GPRC5C: variants seen among roughly 807,000 people sequenced by gnomAD.
GPRC5C encodes G protein-coupled receptor family C group 5 member C.
GPRC5C carries 22 observed loss-of-function variants against 31.4 expected under a neutral mutation model. That is an observed-to-expected ratio of 0.70 (90% CI 0.50 to 1.00). The LOEUF is 1.00. GPRC5C is among the 50% of genes least tolerant of loss of function. GPRC5C has a pLI of 0.00. For synonymous variants in GPRC5C, 249 were observed against 257.5 expected, an observed-to-expected ratio of 0.97 and a Z score of 0.32; for missense variants, 557 against 597.2, an observed-to-expected ratio of 0.93 and a Z score of 0.70.
intron 3 of GPRC5C, chr17:74,445,592 T>A (rs1216525447): frequency 1.3e-5 from 2 of 152,398 alleles, no homozygotes; most frequent in Non-Finnish European, 2.9e-5. Context: ...CAGATGTAGA[T>A]GTTCCAGGGA....
At chr17:74,436,251 T>A (rs930847510) in intron 1 of GPRC5C, among the ~76,000 whole-genome samples, 4 of 152,200 alleles carry the variant, frequency 2.6e-5, no homozygotes, top group African/African-American at 9.6e-5. Context: ...CTCAAAGGGC[T>A]TTGATTCACA....
downstream of GPRC5C, chr17:74,451,595 A>T (rs2055714021): frequency 3.9e-5 from 6 of 152,048 alleles, no homozygotes; most frequent in South Asian, 1.2e-3. Context: ...AGGACTTTGG[A>T]CTTAATAACT....
rs975116471 is a variant in GPRC5C at position 74,447,125 on chromosome 17, G to T, written c.*97G>T. ...TCCAGGCTCCTCCTCCCCCTGGCAG[G>T]CCCAGCAACATGTGCCCCAGATCTG... On this transcript the variant is annotated 3_prime_UTR_variant, in exon 4 of 4. Transcript: ENST00000392627. The T allele has an allele frequency of 6.6e-7, 1 of 1,505,002 alleles. No individual in the cohort carries two copies. The highest frequency in any genetic ancestry group is 8.9e-7 in the Non-Finnish European group (1 of 1,126,528). 93.2% of individuals were successfully genotyped at this position (1,505,002 alleles called of 1,614,324 possible). A position where few individuals can be genotyped will look rare whatever the true frequency, so the allele number is the denominator to read the frequency against.
At chr17:74,439,132 C>T (rs117792916) in intron 1 of GPRC5C, among the ~76,000 whole-genome samples, 198 of 152,248 alleles carry the variant, frequency 1.3e-3, no homozygotes, top group Non-Finnish European at 2.1e-3. Context: ...CTTCCGCTTC[C>T]GAGCTAGGCA....
rs1352405867 is a variant in GPRC5C, at chr17:74,439,845, C to T, written c.69C>T (p.Ala23=). 1 of 1,613,444 alleles carries T rather than the reference C, an allele frequency of 6.2e-7. No individual in the cohort carries two copies. Among genetic ancestry groups the T allele is most frequent in the Non-Finnish European group, 8.5e-7 (1 of 1,180,000 alleles). Residue 23 remains alanine, a synonymous_variant, in exon 2 of 4, where the codon GCC becomes GCT. Coordinates refer to ENST00000392627, the MANE Select transcript of GPRC5C (RefSeq NM_022036.4). ...LPLFLFPGAW[A]QGHVPPGCSQ... is the part of the protein sequence containing the mutation. ...TCTTCCTGTTCCCAGGGGCCTGGGC[C>T]CAGGGCCATGTCCCACCCGGCTGCA...
chr17:74,451,231 G>A (rs1202018792), downstream of GPRC5C: 2 of 152,236 alleles, frequency 1.3e-5, no homozygotes, highest in Admixed American at 1.3e-4. Context: ...TTTCAAAGGA[G>A]TCCCCGGCAG....
In GPRC5C at chr17:74,443,892, G is replaced by A; in HGVS notation, c.1126G>A (p.Ala376Thr). Reference sequence around the variant, plus strand: ...CAGTGTGTACCAGCCCACTGAGATGGCCCTGATGCACAAAGTTCCGGTAAG... The same window carrying A: ...CAGTGTGTACCAGCCCACTGAGATGACCCTGATGCACAAAGTTCCGGTAAG... ...LTSVYQPTEM[A>T]LMHKVPSEGA... Residue 376 changes from alanine (A) to threonine (T), a missense_variant, in exon 3 of 4, where the codon GCC becomes ACC. Physicochemically the swap from Ala to Thr is moderately conservative, Grantham distance 58 (BLOSUM62 0). Transcript: ENST00000392627. 5 of 1,612,066 alleles carry A rather than the reference G, an allele frequency of 3.1e-6. No individual in the cohort carries two copies. Among genetic ancestry groups the A allele is most frequent in the East Asian group, 2.2e-5 (1 of 44,874 alleles).
intron 1 of GPRC5C, chr17:74,433,762 G>C (rs750304963): frequency 6.2e-7 from 1 of 1,610,502 alleles, no homozygotes. Flanking sequence ...CCATGGGTCA[G>C]TGTTGAGTTT....
At chr17:74,451,267 TC>T (rs2055710659), downstream of GPRC5C, 1 of 152,170 alleles carries the variant, frequency 6.6e-6, no homozygotes. Flanking sequence ...GGCTGCAGTC[TC>T]CAGTGGACGT....
rs143876745 is a variant in GPRC5C, at chr17:74,440,388, C to T, written c.612C>T (p.Ile204=). 6.2e-6 allele frequency: 10 copies of T among 1,613,950 alleles called. No homozygotes were observed. The African/African-American group carries it at 6.7e-5, about 11-fold the overall frequency. Residue 204 remains isoleucine (I), a synonymous_variant, in exon 2 of 4, where the codon ATC becomes ATT. Transcript: ENST00000392627. The surrounding 1 kb of genome is among the most constrained non-coding windows in gnomAD (Gnocchi z 4.4). ...AGWAVASPCA[I]ANMDFVMALI... is the part of the protein sequence containing the mutation. ...GGGCCGTGGCCTCCCCCTGTGCCAT[C>T]GCCAACATGGACTTTGTCATGGCAC...
intron 2 of GPRC5C, 88 bp from the exon 3 acceptor site, chr17:74,443,730 C>A (rs1163159477): frequency 9.8e-7 from 1 of 1,023,026 alleles, no homozygotes; most frequent in Non-Finnish European, 1.6e-6. Context: ...TCTTCCCTGC[C>A]CCCAGAGAGC....
chr17:74,439,435 G>A (rs975265254), intron 1 of GPRC5C, among the ~76,000 whole-genome samples: 3 of 152,186 alleles, frequency 2.0e-5, no homozygotes, highest in African/African-American at 4.8e-5. Context: ...CACCGTGGCC[G>A]CCAGAGCTCA....
At position 74,433,602 on chromosome 17, in the gene GPRC5C, G is replaced by A. The variant is rs557365177; in HGVS notation, c.-33+1461G>A. Reference sequence around the variant, plus strand: ...GGGACTGGGAGAGACCGATAGGAGTGGAGGCAGGAAGGCTGTCAGTCGGGC... The same window carrying A: ...GGGACTGGGAGAGACCGATAGGAGTAGAGGCAGGAAGGCTGTCAGTCGGGC... On this transcript the variant is annotated intron_variant, in intron 1 of 3. Transcript: ENST00000392627. The A allele has an allele frequency of 4.4e-6, 4 of 913,978 alleles. No individual in the cohort carries two copies. The African/African-American group carries it at 4.9e-5, about 11-fold the overall frequency. The allele number at this position is 913,978 out of a possible 1,614,324, so 56.6% of individuals were successfully genotyped here.
At chr17:74,433,931 G>T (rs929848627) in intron 1 of GPRC5C, among the ~76,000 whole-genome samples, 2 of 152,182 alleles carry the variant, frequency 1.3e-5, no homozygotes, top group Admixed American at 6.5e-5. Flanking sequence ...CCGGTTGCTG[G>T]ATGAAGCCAC....
intron 1 of GPRC5C, among the ~76,000 whole-genome samples, chr17:74,433,486 C>T (rs528011283): frequency 6.6e-6 from 1 of 152,318 alleles, no homozygotes; most frequent in East Asian, 1.9e-4. Context: ...GCCGCTCCTT[C>T]CAGGCACAGG....
chr17:74,438,987 A>G (rs774142803), intron 1 of GPRC5C, among the ~76,000 whole-genome samples: 8 of 152,224 alleles, frequency 5.3e-5, no homozygotes, highest in Non-Finnish European at 1.2e-4. Flanking sequence ...AAAGTCTTCT[A>G]TTAAAGATTA....
At chr17:74,444,533 G>A (rs964222419) in intron 3 of GPRC5C, among the ~76,000 whole-genome samples, 4 of 152,198 alleles carry the variant, frequency 2.6e-5, no homozygotes, top group African/African-American at 9.7e-5. Context: ...GCTGTGGGGA[G>A]AGGTCAGTGA....
intron 1 of GPRC5C, among the ~76,000 whole-genome samples, chr17:74,435,455 T>C (rs181132536): frequency 4.5e-4 from 68 of 152,344 alleles, no homozygotes; most frequent in African/African-American, 1.6e-3. Context: ...TGGGACCAGG[T>C]TGTTTCCTCT....
downstream of GPRC5C, chr17:74,448,899 T>G: frequency 2.3e-6 from 3 of 1,289,738 alleles, no homozygotes; most frequent in South Asian, 3.7e-5. Context: ...GCAGCCTCTC[T>G]CCGTGGCCCA....
Sources: gnomAD v4.1 joint callset for allele counts (sites outside exome capture counted in the v4.1 genomes callset) on GRCh38, gnomAD v4.1.1 for gene constraint, Gnocchi (gnomAD v3.1) non-coding constraint, MANE v1.5 for transcripts, NCBI Gene and HGNC (gene_info 2026-07-23, HGNC 2026-07-21) for gene names.